YAP1: variants seen among roughly 807,000 people sequenced by gnomAD.
The protein encoded by YAP1 is Yes1 associated transcriptional regulator, also known as transcriptional coactivator YAP1.
YAP1 carries 5 observed loss-of-function variants against 56.9 expected under a neutral mutation model. The ratio of observed to expected loss-of-function variants is 0.09; its 90% CI spans 0.05 to 0.18. YAP1 has a LOEUF of 0.18. Ranked by LOEUF, YAP1 falls within the 10% of genes least tolerant of loss-of-function variation. The pLI is 1.00. For missense variants in YAP1, 539 were observed against 651.8 expected (o/e 0.83, Z 1.88); for synonymous variants, 265 against 248.1 (o/e 1.07, Z -0.64).
intron 2 of YAP1, among the ~76,000 whole-genome samples, chr11:102,134,735 G>T (rs996053440): frequency 6.6e-6 from 1 of 151,944 alleles, no homozygotes; most frequent in Admixed American, 6.6e-5. Flanking sequence ...GAGAGATAGG[G>T]TCTCACTCTG....
chr11:102,118,945 T>C (rs1943478698), intron 2 of YAP1, among the ~76,000 whole-genome samples: 1 of 152,076 alleles, frequency 6.6e-6, no homozygotes. Flanking sequence ...AGTTTCCCTT[T>C]AAAACTGAAA....
chr11:102,148,790 A>G (rs188132571), intron 2 of YAP1, among the ~76,000 whole-genome samples: 1,574 of 152,238 alleles, frequency 0.01, 14 homozygotes, highest in Non-Finnish European at 0.014. Flanking sequence ...ACATGTAGAG[A>G]TTTAATATAG....
chr11:102,133,282 T>A (rs918983508), intron 2 of YAP1, among the ~76,000 whole-genome samples: 28 of 152,322 alleles, frequency 1.8e-4, no homozygotes, highest in South Asian at 2.1e-4. Flanking sequence ...TTAATAAAAC[T>A]CTTGTGGCAC....
intron 2 of YAP1, among the ~76,000 whole-genome samples, chr11:102,126,389 G>GT (rs1491211309): frequency 1.3e-5 from 2 of 152,232 alleles, no homozygotes; most frequent in Non-Finnish European, 2.9e-5. Flanking sequence ...GACAAACCCA[G>GT]TGGGAGGTAA....
chr11:102,132,078 A>G (rs1378469075), intron 2 of YAP1, among the ~76,000 whole-genome samples: 3 of 152,282 alleles, frequency 2.0e-5, no homozygotes, highest in African/African-American at 7.2e-5. Flanking sequence ...AGATCTCACC[A>G]CTGCATCCCA....
At chr11:102,163,170 A>C (rs924730766) in intron 3 of YAP1, among the ~76,000 whole-genome samples, 2 of 152,090 alleles carry the variant, frequency 1.3e-5, no homozygotes, top group Admixed American at 6.6e-5. Context: ...CCTGAGTATA[A>C]ATCTTTTTCT....
rs893700774 is a variant in YAP1, at chr11:102,231,897, G to A, written c.*1957G>A. 2.0e-5 allele frequency: 3 copies of A among 152,536 alleles called. No individual in the cohort carries two copies. Among genetic ancestry groups the A allele is most frequent in the Non-Finnish European group, 4.4e-5 (3 of 68,016 alleles). The allele number at this position is 152,536 out of a possible 1,614,324, so 9.4% of individuals were successfully genotyped here. On this transcript the variant is annotated 3_prime_UTR_variant, in exon 9 of 9. Coordinates refer to ENST00000282441, the MANE Select transcript of YAP1 (RefSeq NM_001130145.3). ...TCAATTTGGAGGAGGGCAAAAGTTG[G>A]AAGTAAGAAGTTTTATTTTAAGTAC...
chr11:102,182,125 GGTT>G (rs1315187626), intron 3 of YAP1, among the ~76,000 whole-genome samples: 1 of 152,072 alleles, frequency 6.6e-6, no homozygotes, highest in African/African-American at 2.4e-5. Context: ...GGCCCTAAGT[GGTT>G]GTTTTAAATC....
intron 6 of YAP1, among the ~76,000 whole-genome samples, chr11:102,223,090 T>C (rs1260034734): frequency 6.7e-6 from 1 of 149,038 alleles, no homozygotes; most frequent in Non-Finnish European, 1.5e-5. Flanking sequence ...CTAAAAAAAA[T>C]ACAAAAAATT....
intron 2 of YAP1, among the ~76,000 whole-genome samples, chr11:102,151,975 C>T (rs995863826): frequency 6.6e-6 from 1 of 152,208 alleles, no homozygotes; most frequent in African/African-American, 2.4e-5. Context: ...TGAGGCCAGA[C>T]AACCTTATTG....
At chr11:102,204,473 T>G (rs1949023455) in intron 4 of YAP1, among the ~76,000 whole-genome samples, 1 of 152,148 alleles carries the variant, frequency 6.6e-6, no homozygotes, top group Admixed American at 6.6e-5. Flanking sequence ...AGTAAAAAAT[T>G]AGAATCAGGC....
chr11:102,221,949 A>ATTTT (rs577822790), intron 6 of YAP1, among the ~76,000 whole-genome samples: 1 of 146,964 alleles, frequency 6.8e-6, no homozygotes, highest in Non-Finnish European at 1.5e-5. Flanking sequence ...TTAATGTGTA[A>ATTTT]TTTTTTTTTT....
At chr11:102,219,640 A>G (rs1347482412) in intron 6 of YAP1, among the ~76,000 whole-genome samples, 1 of 152,110 alleles carries the variant, frequency 6.6e-6, no homozygotes, top group East Asian at 1.9e-4. Flanking sequence ...TAAGACTGCA[A>G]GAAAAGTTAA....
chr11:102,152,130 A>G lies in YAP1; in HGVS notation c.573-10326A>G, dbSNP rs936355426. 3.3e-5 allele frequency among the ~76,000 whole-genome samples: 5 copies of G among 152,356 alleles called. 1 individual carries two copies. The highest frequency in any genetic ancestry group is 3.9e-4 in the East Asian group (2 of 5,190). On this transcript the variant is annotated intron_variant, in intron 2 of 8. Transcript: ENST00000282441. Reference sequence around the variant, plus strand: ...GGAGTCCAAATGAAGAGGTCCTTTCACTTATCTGTGAAGGAACTTTTGGCC... The same window carrying G: ...GGAGTCCAAATGAAGAGGTCCTTTCGCTTATCTGTGAAGGAACTTTTGGCC...
At chr11:102,168,613 T>C (rs1242417841) in intron 3 of YAP1, among the ~76,000 whole-genome samples, 1 of 152,160 alleles carries the variant, frequency 6.6e-6, no homozygotes, top group East Asian at 1.9e-4. Flanking sequence ...TCAAGATGGG[T>C]GGAGAAAATG....
chr11:102,147,911 T>C (rs1244011107), intron 2 of YAP1, among the ~76,000 whole-genome samples: 1 of 152,186 alleles, frequency 6.6e-6, no homozygotes, highest in Non-Finnish European at 1.5e-5. Flanking sequence ...ATTAGAGATA[T>C]TAGAATGATA....
intron 3 of YAP1, among the ~76,000 whole-genome samples, chr11:102,172,684 A>G (rs998171648): frequency 6.6e-6 from 1 of 152,140 alleles, no homozygotes; most frequent in Non-Finnish European, 1.5e-5. Flanking sequence ...GAGAACGGAT[A>G]TACAATGAGT....
chr11:102,226,406 G>A (rs1489809616), intron 7 of YAP1, among the ~76,000 whole-genome samples: 1 of 152,172 alleles, frequency 6.6e-6, no homozygotes, highest in African/African-American at 2.4e-5. Flanking sequence ...TTAGCCTTGA[G>A]CAATTGTTAA....
chr11:102,172,007 T>TG (rs1387038006), intron 3 of YAP1, among the ~76,000 whole-genome samples: 3 of 152,032 alleles, frequency 2.0e-5, no homozygotes, highest in African/African-American at 7.3e-5. Context: ...TTGGCCAACA[T>TG]GGTGAAACCC....
Sources: gnomAD v4.1 joint callset for allele counts (sites outside exome capture counted in the v4.1 genomes callset) on GRCh38, gnomAD v4.1.1 for gene constraint, MANE v1.5 for transcripts, NCBI Gene and HGNC (gene_info 2026-07-23, HGNC 2026-07-21) for gene names.